The following ALDH7A1 variants were observed in gnomAD, a reference collection of about 807,000 sequenced individuals.
ALDH7A1 encodes the protein aldehyde dehydrogenase 7 family member A1, also known as alpha-aminoadipic semialdehyde dehydrogenase.
Under a neutral mutation model 79.9 loss-of-function variants are expected in ALDH7A1, and 63 were observed. The observed-to-expected ratio is 0.79, with a 90% CI of 0.64 to 0.97. The LOEUF (loss-of-function observed/expected upper bound fraction) is 0.97. ALDH7A1 is among the 50% of genes least tolerant of loss of function. The probability of loss-of-function intolerance (pLI) is 0.00; values close to 1 mark genes in which losing one functional copy is unlikely to be tolerated. For missense variants in ALDH7A1, 627 were observed against 665.2 expected (o/e 0.94, Z 0.63); for synonymous variants, 240 against 231.2 (o/e 1.04, Z -0.34).
intron 11 of ALDH7A1, among the ~76,000 whole-genome samples, chr5:126,558,986 G>C (rs1750300277): frequency 6.6e-6 from 1 of 152,188 alleles, no homozygotes; most frequent in Non-Finnish European, 1.5e-5. Context: ...CTGAATATCA[G>C]TCTCATCTCC....
intron 9 of ALDH7A1, among the ~76,000 whole-genome samples, chr5:126,566,412 T>C (rs1431625749): frequency 2.0e-5 from 3 of 152,356 alleles, no homozygotes; most frequent in East Asian, 3.9e-4. Flanking sequence ...TATAATTGAT[T>C]TTTGTATCTC....
At chr5:126,564,166 A>G (rs545141519) in intron 9 of ALDH7A1, among the ~76,000 whole-genome samples, 1 of 151,814 alleles carries the variant, frequency 6.6e-6, no homozygotes, top group East Asian at 2.0e-4. Context: ...ACATATGTTT[A>G]TTTATTTTTG....
At chr5:126,564,556 T>C (rs1463399989) in intron 9 of ALDH7A1, 3 of 1,248,350 alleles carry the variant, frequency 2.4e-6, no homozygotes, top group Admixed American at 4.2e-5. Context: ...CAGGAGCATA[T>C]GTGACAACAG....
In ALDH7A1 at chr5:126,555,949, C is replaced by G; in HGVS notation, c.1075G>C (p.Val359Leu). The change falls in exon 12 of 18, where the codon GTT (valine) becomes CTT (leucine). Residue 359 changes from valine to leucine, a missense_variant. Physicochemically the swap from Val to Leu is conservative, Grantham distance 32. Transcript: ENST00000409134. ...RLKKAYAQIR[V>L]GNPWDPNVLY... Reference sequence around the variant, plus strand: ...TACTCACGGTCCCATGGGTTCCCAACTCGGATCTGTGCATAGGCCTTTTTA... The same window carrying G: ...TACTCACGGTCCCATGGGTTCCCAAGTCGGATCTGTGCATAGGCCTTTTTA... 1 of 1,613,416 alleles carries G rather than the reference C, an allele frequency of 6.2e-7. No individual in the cohort carries two copies. The highest frequency in any genetic ancestry group is 8.5e-7 in the Non-Finnish European group (1 of 1,179,512).
In ALDH7A1 at chr5:126,589,643, C is replaced by T. The variant is rs1271502483; in HGVS notation, c.312+3021G>A. ...ACAATACAAAAATTAGCCAGGCCTGCCACTCCGTCTGGGAAGTGAGGAGCG... is the reference window on the plus strand; with the variant it reads ...ACAATACAAAAATTAGCCAGGCCTGTCACTCCGTCTGGGAAGTGAGGAGCG... On this transcript the variant is annotated intron_variant, in intron 3 of 17. Transcript: ENST00000409134. Among the ~76,000 whole-genome samples the T allele has an allele frequency of 3.9e-5, 6 of 152,216 alleles. No individual in the cohort carries two copies. In the South Asian group the frequency reaches 1.0e-3, roughly 26 times the overall value.
chr5:126,579,854 G>A (rs1751112156), intron 5 of ALDH7A1, among the ~76,000 whole-genome samples: 1 of 152,106 alleles, frequency 6.6e-6, no homozygotes. Flanking sequence ...CAGCTACTCA[G>A]GAGGCTGAGG....
At chr5:126,593,124 T>C (rs538397813) in intron 2 of ALDH7A1, among the ~76,000 whole-genome samples, 1 of 152,342 alleles carries the variant, frequency 6.6e-6, no homozygotes, top group South Asian at 2.1e-4. Context: ...ACCTTTTCTA[T>C]GGTTCTTTCC....
intron 16 of ALDH7A1, among the ~76,000 whole-genome samples, chr5:126,548,894 T>TAAA (rs33926729): frequency 3.2e-5 from 3 of 93,388 alleles, no homozygotes; most frequent in African/African-American, 1.3e-4. Context: ...GGCCTGTTTC[T>TAAA]AAAAAAAAAA....
Position 126,559,344 on chromosome 5 carries a change from G to T in ALDH7A1, c.914-10C>A. 2 of 1,608,038 alleles carry T rather than the reference G, an allele frequency of 1.2e-6. No individual in the cohort carries two copies. The highest frequency in any genetic ancestry group is 1.7e-6 in the Non-Finnish European group (2 of 1,175,252). On this transcript the variant is annotated splice_polypyrimidine_tract_variant and intron_variant, in intron 10 of 17. Coordinates refer to ENST00000409134, the MANE Select transcript of ALDH7A1 (RefSeq NM_001182.5). ...TCTGCATCTTCAAAGGCTTAGGAAA[G>T]CACAAACACTTCCATCAGCGAACCA...
chr5:126,584,517 G>A (rs192665143), intron 3 of ALDH7A1: 402 of 168,398 alleles, frequency 2.4e-3, no homozygotes, highest in Non-Finnish European at 3.7e-3. Context: ...AAAATTAGCT[G>A]GGCATGGTGG....
rs529320626 is a variant in ALDH7A1, at chr5:126,575,763, G to A, written c.651-299C>T. Among the ~76,000 whole-genome samples the A allele has an allele frequency of 1.1e-3, 168 of 152,342 alleles. 1 individual carries two copies. The highest frequency in any genetic ancestry group is 3.7e-3 in the African/African-American group (155 of 41,576). On this transcript the variant is annotated intron_variant, in intron 6 of 17. Coordinates refer to ENST00000409134, the MANE Select transcript of ALDH7A1 (RefSeq NM_001182.5). ...CAGCCAGTTATAGGAACTGAGTGAA[G>A]CAGAAATCTACCAACGTGCTGCATT...
chr5:126,586,475 A>G (rs1388377086), intron 3 of ALDH7A1: 1 of 152,260 alleles, frequency 6.6e-6, no homozygotes, highest in East Asian at 1.9e-4. Flanking sequence ...TCTATGTGCC[A>G]GATACTGTGC....
At chr5:126,579,876 C>G (rs914860176) in intron 5 of ALDH7A1, among the ~76,000 whole-genome samples, 1 of 152,142 alleles carries the variant, frequency 6.6e-6, no homozygotes, top group Non-Finnish European at 1.5e-5. Context: ...GGAAAGATTG[C>G]TTGAGTCCAG....
At chr5:126,551,461 A>G (rs1473374124) in intron 14 of ALDH7A1, among the ~76,000 whole-genome samples, 1 of 151,902 alleles carries the variant, frequency 6.6e-6, no homozygotes, top group Non-Finnish European at 1.5e-5. Flanking sequence ...ATTACAGATT[A>G]CAGGCGCCCA....
chr5:126,571,873 G>A (rs1315475747), intron 7 of ALDH7A1, among the ~76,000 whole-genome samples: 1 of 152,138 alleles, frequency 6.6e-6, no homozygotes, highest in Non-Finnish European at 1.5e-5. Flanking sequence ...AGGAGCTGGG[G>A]CCACCCTGCA....
chr5:126,550,572 C>T lies in ALDH7A1; in HGVS notation c.1318-279G>A, dbSNP rs777673441. Among the ~76,000 whole-genome samples, 20 of 151,268 alleles carry T rather than the reference C, an allele frequency of 1.3e-4. 2 individuals are homozygous for T. The highest frequency in any genetic ancestry group is 2.7e-4 in the Non-Finnish European group (18 of 67,414). On this transcript the variant is annotated intron_variant, in intron 14 of 17. Transcript: ENST00000409134. ...ATAGCTAATATCTATTGAGCTCTTACGTGTGTAACACACCAATCTAAGCAC... is the reference window on the plus strand; with the variant it reads ...ATAGCTAATATCTATTGAGCTCTTATGTGTGTAACACACCAATCTAAGCAC...
intron 4 of ALDH7A1, 50 bp downstream of exon 4, chr5:126,583,882 G>C: frequency 3.5e-6 from 5 of 1,416,412 alleles, no homozygotes; most frequent in Non-Finnish European, 5.0e-6. Flanking sequence ...AAGCATGACA[G>C]CCTTATTGTC....
At chr5:126,570,934 C>A (rs1397699821) in intron 7 of ALDH7A1, 75 bp from the exon 8 acceptor site, 1 of 1,386,132 alleles carries the variant, frequency 7.2e-7, no homozygotes, top group East Asian at 2.3e-5. Flanking sequence ...ATTCCAACCA[C>A]TTGACTCTCC....
intron 3 of ALDH7A1, chr5:126,587,462 AC>A (rs1310030048): frequency 6.6e-6 from 1 of 151,766 alleles, no homozygotes; most frequent in Non-Finnish European, 1.5e-5. Context: ...ACGTGGTGAA[AC>A]CCCATCTCTG....
Sources: gnomAD v4.1 joint callset for allele counts (sites outside exome capture counted in the v4.1 genomes callset) on GRCh38, gnomAD v4.1.1 for gene constraint, MANE v1.5 for transcripts, NCBI Gene and HGNC (gene_info 2026-07-23, HGNC 2026-07-21) for gene names.